UNKL: variants seen among roughly 807,000 people sequenced by gnomAD.
UNKL encodes unk like zinc finger.
Under a neutral mutation model 78.0 loss-of-function variants are expected in UNKL, and 60 were observed. The ratio of observed to expected loss-of-function variants is 0.77; its 90% CI spans 0.63 to 0.95. The LOEUF is 0.95. Among genes scored for constraint, UNKL ranks in the 40% least tolerant of loss-of-function variants. UNKL has a pLI of 0.00. For synonymous variants in UNKL, 608 were observed against 474.8 expected (o/e 1.28, Z -3.65); for missense variants, 1,159 against 1,045.7 (o/e 1.11, Z -1.49).
rs1396579974 is a variant in UNKL, at chr16:1,367,707, C to T, written c.1737G>A (p.Glu579=). 2.5e-6 allele frequency: 4 copies of T among 1,581,904 alleles called. No homozygotes were observed. In the South Asian group the frequency reaches 3.5e-5, roughly 14 times the overall value. The change falls in exon 13 of 15, where the codon GAG becomes GAA. Residue 579 remains glutamate (E), a synonymous_variant. Coordinates refer to ENST00000389221, the MANE Select transcript of UNKL (RefSeq NM_001372107.1). The part of the protein sequence containing the change: ...ELARVRRQLD[E]AKRKIRQWEE... ...CCCACTGCCGGATCTTCCTCTTGGC[C>T]TCGTCCAGCTGCCGCCTGACCCGGG...
intron 10 of UNKL, among the ~76,000 whole-genome samples, chr16:1,372,625 C>T (rs113603289): frequency 5.9e-4 from 90 of 152,288 alleles, no homozygotes; most frequent in African/African-American, 1.5e-3. Context: ...CTCAAACTCC[C>T]GCAGCCACTG....
intron 7 of UNKL, among the ~76,000 whole-genome samples, chr16:1,393,844 A>T (rs934219607): frequency 3.9e-5 from 6 of 152,078 alleles, no homozygotes; most frequent in Admixed American, 6.5e-5. Context: ...CCACACCAGG[A>T]CTCAGCCTCC....
intron 2 of UNKL, among the ~76,000 whole-genome samples, chr16:1,406,671 C>G (rs1325867746): frequency 6.6e-6 from 1 of 152,116 alleles, no homozygotes; most frequent in Admixed American, 6.6e-5. Context: ...CTCGCACGTC[C>G]CAGGCCGGCC....
intron 10 of UNKL, chr16:1,379,754 C>A: frequency 7.2e-6 from 6 of 832,040 alleles, no homozygotes; most frequent in Non-Finnish European, 8.1e-6. Flanking sequence ...CCCCGTCGCA[C>A]TGGCCACGCC....
rs2035841938 is a variant in UNKL at position 1,371,554 on chromosome 16, A to G, written c.1322T>C (p.Leu441Pro). The G allele has an allele frequency of 3.3e-6, 5 of 1,536,226 alleles. No individual in the cohort carries two copies. The highest frequency in any genetic ancestry group is 1.4e-5 in the African/African-American group (1 of 73,176). The change falls in exon 11 of 15, where the codon CTG (leucine) becomes CCG (proline). Residue 441 changes from leucine (L) to proline (P), a missense_variant. Transcript: ENST00000389221. ...CAGGTCGTGGCCGTCTTGCTCTTCC[A>G]GGTCCTTCTCTAGGGATGCAATATT... ...NVNIASLEKD[L>P]EEQDGHDLGA...
intron 6 of UNKL, among the ~76,000 whole-genome samples, chr16:1,396,565 G>A (rs981741964): frequency 3.3e-5 from 5 of 151,698 alleles, no homozygotes; most frequent in Non-Finnish European, 7.4e-5. Flanking sequence ...GTGAGCCACC[G>A]TGCCTGGCCT....
chr16:1,411,778 T>C (rs1470246262), intron 2 of UNKL, among the ~76,000 whole-genome samples: 1 of 152,184 alleles, frequency 6.6e-6, no homozygotes, highest in Non-Finnish European at 1.5e-5. Context: ...TGAGCTGAGA[T>C]GGCGCCACTG....
intron 2 of UNKL, among the ~76,000 whole-genome samples, chr16:1,409,405 G>C (rs892941641): frequency 4.3e-5 from 1 of 23,116 alleles, no homozygotes; most frequent in African/African-American, 3.5e-4. Context: ...GATAATTATG[G>C]AGGAGAGATC....
At chr16:1,368,667 G>A (rs1319821172) in intron 12 of UNKL, among the ~76,000 whole-genome samples, 7 of 147,732 alleles carry the variant, frequency 4.7e-5, no homozygotes, top group Non-Finnish European at 7.4e-5. Context: ...TTGGGAGGTC[G>A]AGGCCAGCAG....
Position 1,367,127 on chromosome 16 carries a change from T to A in UNKL, c.2011A>T (p.Ser671Cys), listed in dbSNP as rs769883839. Residue 671 changes from serine (S) to cysteine (C), a missense_variant, in exon 14 of 15, where the codon AGT becomes TGT. Transcript: ENST00000389221. Reference protein sequence around the residue: ...IPLPKLHSLQSQLRLDLEAVD... With the variant: ...IPLPKLHSLQCQLRLDLEAVD... ...GCCTCCAGGTCCAGGCGCAGCTGAC[T>A]CTGCAGCGAGTGCAGCTTCGGCAGG... 4.4e-6 allele frequency: 7 copies of A among 1,592,264 alleles called. No individual in the cohort carries two copies. In the Admixed American group the frequency reaches 1.2e-4, roughly 27 times the overall value.
intron 4 of UNKL, among the ~76,000 whole-genome samples, chr16:1,400,767 A>C (rs1416220507): frequency 6.6e-6 from 1 of 151,844 alleles, no homozygotes; most frequent in East Asian, 1.9e-4. Flanking sequence ...GGCTCACTGC[A>C]ACCTTCACCC....
At position 1,387,051 on chromosome 16, in the gene UNKL, C is replaced by T. The variant is rs924562860; in HGVS notation, c.1087-1666G>A. Among the ~76,000 whole-genome samples, 4 of 151,890 alleles carry T rather than the reference C, an allele frequency of 2.6e-5. No homozygotes were observed. Among genetic ancestry groups the T allele is most frequent in the African/African-American group, 9.7e-5 (4 of 41,166 alleles). On this transcript the variant is annotated intron_variant, in intron 9 of 14. Transcript: ENST00000389221. The surrounding 1 kb of genome is among the most constrained non-coding windows in gnomAD (Gnocchi z 4.1). ...CCGTGAGCATCAGGGACGGCGGTAA[C>T]TCCTGCACCCTACACCGCAGACCCT...
intron 2 of UNKL, among the ~76,000 whole-genome samples, chr16:1,408,284 G>A (rs931125844): frequency 4.6e-4 from 70 of 152,138 alleles, no homozygotes; most frequent in Non-Finnish European, 2.1e-4. Context: ...CGACCAGGAC[G>A]GTTCCCACGG....
intron 6 of UNKL, 100 bp from the exon 7 acceptor site, chr16:1,394,315 C>T (rs764933580): frequency 2.3e-5 from 31 of 1,373,084 alleles, no homozygotes; most frequent in Admixed American, 9.9e-5. Context: ...AGCTCCAAAT[C>T]GTAACAAGAC....
intron 9 of UNKL, among the ~76,000 whole-genome samples, chr16:1,388,435 C>G (rs936574453): frequency 1.3e-5 from 2 of 152,148 alleles, no homozygotes; most frequent in African/African-American, 4.8e-5. Context: ...CCCCGGAGGC[C>G]TTCCCCAGCC....
In UNKL at chr16:1,369,702, C is replaced by T. The variant is rs1042610502; in HGVS notation, c.1585+428G>A. Among the ~76,000 whole-genome samples the T allele has an allele frequency of 9.2e-5, 14 of 152,316 alleles. No individual in the cohort carries two copies. The Middle Eastern group carries it at 0.01, about 111-fold the overall frequency. On this transcript the variant is annotated intron_variant, in intron 12 of 14. Transcript: ENST00000389221. ...GTTCTTTTACAACGTAACAAATAGC[C>T]GGGCACGGTGGCTCACTGTCATCCC...
rs779895634 is a variant in UNKL, at chr16:1,370,294, G to A, written c.1421C>T (p.Ser474Leu). 3.3e-5 allele frequency: 50 copies of A among 1,534,664 alleles called. 1 individual carries two copies. In the South Asian group the frequency reaches 4.3e-4, roughly 13 times the overall value. The change falls in exon 12 of 15, where the codon TCG (serine) becomes TTG (leucine). Residue 474 changes from serine (S) to leucine (L), a missense_variant. By Grantham distance (145) the Ser-to-Leu change is moderately radical (BLOSUM62 -2). Transcript: ENST00000389221. ...GGACGCAGAGGATGGCGAGTGTAGC[G>A]ATGGTGCTCTGGGCAGGGAGCCGGG... is the stretch of plus-strand genomic sequence containing the variant. ...AIPGSLPRAP[S>L]LHSPSSASTS...
chr16:1,379,622 G>A (rs1048968016), intron 10 of UNKL: 127 of 984,892 alleles, frequency 1.3e-4, no homozygotes, highest in Non-Finnish European at 1.5e-4. Flanking sequence ...CCACGCGCTG[G>A]GGCCGCCGCC....
chr16:1,396,998 G>A, intron 6 of UNKL, 180 bp downstream of exon 6: 1 of 627,900 alleles, frequency 1.6e-6, no homozygotes. Context: ...CCGAAGGCCA[G>A]CAAGCAAGAC....
Sources: gnomAD v4.1 joint callset for allele counts (sites outside exome capture counted in the v4.1 genomes callset) on GRCh38, gnomAD v4.1.1 for gene constraint, Gnocchi (gnomAD v3.1) non-coding constraint, MANE v1.5 for transcripts, NCBI Gene and HGNC (gene_info 2026-07-23, HGNC 2026-07-21) for gene names.